Variants in PRDM5 observed in about 807,000 individuals in gnomAD.
PRDM5 encodes PR/SET domain 5, also known as PR domain zinc finger protein 5.
In PRDM5, 56 loss-of-function variants were observed where a neutral mutation model predicts 81.2. That is an observed-to-expected ratio of 0.69 (90% CI 0.56 to 0.86). PRDM5 has a LOEUF of 0.86. Ranked by LOEUF, PRDM5 falls within the 40% of genes least tolerant of loss-of-function variation. The pLI is 0.00. For synonymous variants in PRDM5, 267 were observed against 256.4 expected (o/e 1.04, Z -0.39); for missense variants, 697 against 770.1 (o/e 0.91, Z 1.12).
rs574556695 is a variant in PRDM5, at chr4:120,770,658, C to G, written c.1537+6530G>C. On this transcript the variant is annotated intron_variant, in intron 13 of 15. Coordinates refer to ENST00000264808, the MANE Select transcript of PRDM5 (RefSeq NM_018699.4). ...AAGGTTGTGTCCAGCCTGGACAGAG[C>G]AAGACTATGTCTCAGAAAAAAAAAT... is the stretch of plus-strand genomic sequence containing the variant. Among the ~76,000 whole-genome samples the G allele has an allele frequency of 2.6e-5, 4 of 151,744 alleles. No individual in the cohort carries two copies. The East Asian group carries it at 7.8e-4, about 29-fold the overall frequency.
At chr4:120,886,535 A>G (rs2667195) in intron 2 of PRDM5, among the ~76,000 whole-genome samples, 26,875 of 152,174 alleles carry the variant, frequency 0.18, 3,038 homozygotes, top group African/African-American at 0.31. Flanking sequence ...AAAAATCTCT[A>G]TAAAGTAGGC....
Position 120,922,646 on chromosome 4 carries a change from G to A in PRDM5, c.-38C>T, listed in dbSNP as rs767001107. The A allele has an allele frequency of 1.3e-6, 2 of 1,569,052 alleles. No homozygotes were observed. The highest frequency in any genetic ancestry group is 1.7e-6 in the Non-Finnish European group (2 of 1,157,512). Reference sequence around the variant, plus strand: ...GGCGGCCGCCGCCTCTCTCAACACCGGCGCTTAGCGCCCGGCAGGCGGCAC... The same window carrying A: ...GGCGGCCGCCGCCTCTCTCAACACCAGCGCTTAGCGCCCGGCAGGCGGCAC... On this transcript the variant is annotated 5_prime_UTR_variant, in exon 1 of 16. Coordinates refer to ENST00000264808, the MANE Select transcript of PRDM5 (RefSeq NM_018699.4).
intron 2 of PRDM5, among the ~76,000 whole-genome samples, chr4:120,880,766 C>T (rs1445463572): frequency 6.6e-6 from 1 of 152,066 alleles, no homozygotes; most frequent in Non-Finnish European, 1.5e-5. Context: ...AATCATTGTC[C>T]TTTAATACAT....
intron 2 of PRDM5, among the ~76,000 whole-genome samples, chr4:120,900,289 C>T (rs1212736032): frequency 2.0e-5 from 3 of 152,072 alleles, no homozygotes; most frequent in Admixed American, 1.3e-4. Flanking sequence ...TGGTTGCTTC[C>T]CCTGGCAAAC....
At chr4:120,786,423 G>T (rs1310096874) in intron 10 of PRDM5, among the ~76,000 whole-genome samples, 1 of 152,100 alleles carries the variant, frequency 6.6e-6, no homozygotes, top group Non-Finnish European at 1.5e-5. Context: ...TAGGTCTCTT[G>T]CATTACATAA....
At chr4:120,705,413 T>A (rs1366590160) in intron 15 of PRDM5, among the ~76,000 whole-genome samples, 1 of 152,108 alleles carries the variant, frequency 6.6e-6, no homozygotes, top group Non-Finnish European at 1.5e-5. Flanking sequence ...GAGAAAGTAA[T>A]TTGAGCTGAG....
intron 13 of PRDM5, among the ~76,000 whole-genome samples, chr4:120,760,385 C>T (rs180832420): frequency 3.3e-5 from 5 of 152,238 alleles, no homozygotes; most frequent in Admixed American, 2.0e-4. Context: ...GAACTACATA[C>T]AGGTAGTCAC....
intron 15 of PRDM5, among the ~76,000 whole-genome samples, chr4:120,709,162 T>C (rs777398271): frequency 6.6e-6 from 1 of 152,152 alleles, no homozygotes; most frequent in African/African-American, 2.4e-5. Context: ...TAGAAAGATG[T>C]CCATATGCAG....
Position 120,781,308 on chromosome 4 carries a change from G to A in PRDM5, c.1283-5C>T, listed in dbSNP as rs185134294. 5,108 of 1,610,696 alleles carry A rather than the reference G, an allele frequency of 3.2e-3. 11 individuals are homozygous for A. Among genetic ancestry groups the A allele is most frequent in the Non-Finnish European group, 4.1e-3 (4,785 of 1,177,512 alleles). Reference sequence around the variant, plus strand: ...GGCACTTGAAAGTCCTCTCACCTTAGAAACAAAGAGAAACATTTAAGAAGC... The same window carrying A: ...GGCACTTGAAAGTCCTCTCACCTTAAAAACAAAGAGAAACATTTAAGAAGC... On this transcript the variant is annotated splice_region_variant and splice_polypyrimidine_tract_variant and intron_variant, in intron 11 of 15. Coordinates refer to ENST00000264808, the MANE Select transcript of PRDM5 (RefSeq NM_018699.4).
At chr4:120,804,267 C>T (rs963839911) in intron 8 of PRDM5, among the ~76,000 whole-genome samples, 3 of 151,632 alleles carry the variant, frequency 2.0e-5, no homozygotes, top group African/African-American at 4.9e-5. Context: ...CTTTAACACC[C>T]AACTGACAAC....
At chr4:120,892,435 T>A (rs1434738754) in intron 2 of PRDM5, among the ~76,000 whole-genome samples, 2 of 152,176 alleles carry the variant, frequency 1.3e-5, no homozygotes, top group Admixed American at 6.5e-5. Context: ...TATTATTGTG[T>A]GGTTATCTAA....
rs979161078 is a variant in PRDM5 at position 120,707,558 on chromosome 4, GA to G, written c.1728+2750del. Reference sequence around the variant, plus strand: ...GAGCTAAAACTATAAGACTCTTAGAGAAAAAAAACAAAAACAAACAAAAAAA... The same window carrying G: ...GAGCTAAAACTATAAGACTCTTAGAGAAAAAAACAAAAACAAACAAAAAAA... On this transcript the variant is annotated intron_variant, in intron 15 of 15. Transcript: ENST00000264808. 7.4e-5 allele frequency among the ~76,000 whole-genome samples: 11 copies of G among 147,824 alleles called. No homozygotes were observed. The East Asian group carries it at 2.0e-3, about 27-fold the overall frequency.
chr4:120,809,790 G>T (rs929687299), intron 8 of PRDM5, among the ~76,000 whole-genome samples: 1 of 152,198 alleles, frequency 6.6e-6, no homozygotes, highest in African/African-American at 2.4e-5. Context: ...TATGGATTCG[G>T]AAAGGCTGAA....
chr4:120,774,455 C>T (rs541905151), intron 13 of PRDM5, among the ~76,000 whole-genome samples: 18 of 152,176 alleles, frequency 1.2e-4, no homozygotes, highest in Admixed American at 2.6e-4. Context: ...TTCGGAGCTC[C>T]GCTATCATAC....
Position 120,692,917 on chromosome 4 carries a change from T to A in PRDM5, c.*2194A>T, listed in dbSNP as rs1734166782. 6.6e-6 allele frequency: 1 copy of A among 152,102 alleles called. No individual in the cohort carries two copies. 9.4% of individuals were successfully genotyped at this position (152,102 alleles called of 1,614,324 possible). On this transcript the variant is annotated 3_prime_UTR_variant, in exon 16 of 16. Transcript: ENST00000264808. ...GTTTTAGCAAGCAAATGCTAATATA[T>A]CTGAAACTACCCATGAATACTTGTC... is the stretch of plus-strand genomic sequence containing the variant.
intron 15 of PRDM5, among the ~76,000 whole-genome samples, chr4:120,707,994 T>TA (rs938730495): frequency 2.0e-5 from 3 of 150,750 alleles, no homozygotes; most frequent in African/African-American, 7.3e-5. Context: ...GATAATTAAA[T>TA]AAAAAAAAAG....
intron 1 of PRDM5, among the ~76,000 whole-genome samples, chr4:120,915,199 C>G (rs565289028): frequency 6.6e-6 from 1 of 152,064 alleles, no homozygotes; most frequent in Non-Finnish European, 1.5e-5. Flanking sequence ...AAGAGTATCA[C>G]TACTATCCTA....
At chr4:120,739,623 G>T (rs1439714732) in intron 14 of PRDM5, among the ~76,000 whole-genome samples, 1 of 151,710 alleles carries the variant, frequency 6.6e-6, no homozygotes. Context: ...TTTCCTATGG[G>T]ATAATTAACC....
At chr4:120,887,864 C>T (rs1763619396) in intron 2 of PRDM5, among the ~76,000 whole-genome samples, 1 of 54,568 alleles carries the variant, frequency 1.8e-5, no homozygotes, top group Non-Finnish European at 3.1e-5. Context: ...GCAATCTCGG[C>T]TCACTGCAAG....
Sources: gnomAD v4.1 joint callset for allele counts (sites outside exome capture counted in the v4.1 genomes callset) on GRCh38, gnomAD v4.1.1 for gene constraint, MANE v1.5 for transcripts, NCBI Gene and HGNC (gene_info 2026-07-23, HGNC 2026-07-21) for gene names.